Variants in PLXNA4 observed in about 807,000 individuals in gnomAD.
PLXNA4 encodes plexin-A4.
A neutral mutation model predicts 191.8 loss-of-function variants in PLXNA4; 44 were observed. The observed-to-expected ratio is 0.23, with a 90% CI of 0.18 to 0.29. The LOEUF (loss-of-function observed/expected upper bound fraction) is 0.29. PLXNA4 is among the 10% of genes least tolerant of loss of function. The pLI, the probability that PLXNA4 is intolerant of heterozygous loss-of-function variation, is 1.00. For missense variants in PLXNA4, 1,800 were observed against 2,488.8 expected (o/e 0.72, Z 5.89); for synonymous variants, 1,082 against 1,009.5 (o/e 1.07, Z -1.36).
At chr7:132,545,702 G>GA (rs375879133) in intron 1 of PLXNA4, among the ~76,000 whole-genome samples, 104 of 147,750 alleles carry the variant, frequency 7.0e-4, no homozygotes, top group South Asian at 5.1e-3. Flanking sequence ...TGCAGGAAAA[G>GA]AAAAAAAAAA....
At chr7:132,581,965 T>C (rs978264170), upstream of PLXNA4, among the ~76,000 whole-genome samples, 1 of 151,954 alleles carries the variant, frequency 6.6e-6, no homozygotes, top group African/African-American at 2.4e-5. Flanking sequence ...TAAGGGGAGA[T>C]GGAGGGAGGG....
chr7:132,190,732 G>A (rs2116803903), intron 14 of PLXNA4, among the ~76,000 whole-genome samples: 1 of 152,336 alleles, frequency 6.6e-6, no homozygotes, highest in East Asian at 1.9e-4. Flanking sequence ...AGCTTAATGA[G>A]GTGGCGGTGA....
chr7:132,254,276 C>T (rs960375137), intron 4 of PLXNA4, among the ~76,000 whole-genome samples: 1 of 152,188 alleles, frequency 6.6e-6, no homozygotes, highest in Non-Finnish European at 1.5e-5. Flanking sequence ...CTGAAATATA[C>T]TTTGAATTCT....
intron 30 of PLXNA4, among the ~76,000 whole-genome samples, chr7:132,134,443 G>T (rs1318945299): frequency 2.0e-5 from 3 of 152,194 alleles, no homozygotes; most frequent in African/African-American, 7.2e-5. Flanking sequence ...AGTTCAATTT[G>T]CACCAGAGCA....
At chr7:132,385,293 C>A in intron 3 of PLXNA4, 4 of 1,611,094 alleles carry the variant, frequency 2.5e-6, no homozygotes, top group Non-Finnish European at 3.4e-6. Context: ...TGGTACCAGG[C>A]ATCTGGAAAA....
At chr7:132,547,244 A>T (rs1349900777) in intron 1 of PLXNA4, among the ~76,000 whole-genome samples, 1 of 152,226 alleles carries the variant, frequency 6.6e-6, no homozygotes, top group Non-Finnish European at 1.5e-5. Context: ...TAAGGAAGGC[A>T]TCATCACCCC....
chr7:132,525,454 G>T (rs1299309744), intron 1 of PLXNA4, among the ~76,000 whole-genome samples: 1 of 152,078 alleles, frequency 6.6e-6, no homozygotes, highest in African/African-American at 2.4e-5. Context: ...TCAGTATATT[G>T]CCCAGGCTGG....
chr7:132,596,258 C>A (rs1802708293), intron 2 of PLXNA4, among the ~76,000 whole-genome samples: 1 of 152,172 alleles, frequency 6.6e-6, no homozygotes, highest in African/African-American at 2.4e-5. Context: ...GAAATGGCTG[C>A]CATCTTGACC....
At chr7:132,233,445 C>G (rs1195125990) in intron 5 of PLXNA4, among the ~76,000 whole-genome samples, 1 of 152,118 alleles carries the variant, frequency 6.6e-6, no homozygotes, top group Non-Finnish European at 1.5e-5. Flanking sequence ...ATACCATGGT[C>G]TCAAGGAAGT....
At chr7:132,423,269 G>C (rs1288901159) in intron 3 of PLXNA4, among the ~76,000 whole-genome samples, 1 of 152,160 alleles carries the variant, frequency 6.6e-6, no homozygotes, top group African/African-American at 2.4e-5. Flanking sequence ...TTTCTATTTT[G>C]CACAATTCAT....
chr7:132,130,248 GACTA>G lies in PLXNA4; in HGVS notation c.*227_*230del. On this transcript the variant is annotated 3_prime_UTR_variant, in exon 32 of 32. Coordinates refer to ENST00000321063, the MANE Select transcript of PLXNA4 (RefSeq NM_020911.2). The stretch of plus-strand genomic sequence containing the variant: ...CTTGCCATGGGCCTGGCCATTCTTG[GACTA>G]ACTGAGGGTCAGTGGCTTGGTCCAA... 1.8e-6 allele frequency: 1 copy of G among 553,892 alleles called. No homozygotes were observed. The highest frequency in any genetic ancestry group is 3.1e-6 in the Non-Finnish European group (1 of 320,550). 34.3% of individuals were successfully genotyped at this position (553,892 alleles called of 1,614,324 possible).
At chr7:132,607,870 A>T (rs1325663132) in intron 2 of PLXNA4, among the ~76,000 whole-genome samples, 1 of 152,014 alleles carries the variant, frequency 6.6e-6, no homozygotes, top group African/African-American at 2.4e-5. Flanking sequence ...CATCATCCTC[A>T]TCACTATCAC....
intron 1 of PLXNA4, among the ~76,000 whole-genome samples, chr7:132,526,903 G>A (rs981484551): frequency 5.3e-5 from 8 of 152,236 alleles, no homozygotes; most frequent in South Asian, 2.1e-4. Context: ...CCTGCCCCAC[G>A]GTGGCACAAT....
At chr7:132,396,206 T>A (rs1313473415) in intron 3 of PLXNA4, among the ~76,000 whole-genome samples, 3 of 152,178 alleles carry the variant, frequency 2.0e-5, no homozygotes, top group Non-Finnish European at 2.9e-5. Flanking sequence ...GTACAGATAC[T>A]GAAGAGTATG....
intron 3 of PLXNA4, among the ~76,000 whole-genome samples, chr7:132,311,202 G>GTGCGT (rs1554411105): frequency 6.6e-6 from 1 of 151,066 alleles, no homozygotes; most frequent in African/African-American, 2.4e-5. Context: ...GTGCGCGTGT[G>GTGCGT]GCCTAAAGGA....
intron 7 of PLXNA4, among the ~76,000 whole-genome samples, chr7:132,226,650 T>C (rs1798334341): frequency 1.3e-5 from 2 of 152,224 alleles, no homozygotes; most frequent in Admixed American, 6.5e-5. Context: ...TGCATGTATG[T>C]GTGTGTATGC....
At chr7:132,347,911 C>T (rs1188152158) in intron 3 of PLXNA4, among the ~76,000 whole-genome samples, 3 of 152,218 alleles carry the variant, frequency 2.0e-5, no homozygotes, top group East Asian at 1.9e-4. Context: ...ACCAGATTTT[C>T]CCTGCAGAGA....
intron 3 of PLXNA4, among the ~76,000 whole-genome samples, chr7:132,324,742 T>C (rs1244138600): frequency 6.6e-6 from 1 of 151,906 alleles, no homozygotes; most frequent in Non-Finnish European, 1.5e-5. Context: ...TTCCCTAGGG[T>C]GAATGGGAGC....
At chr7:132,376,630 C>T (rs1309116313) in intron 3 of PLXNA4, among the ~76,000 whole-genome samples, 1 of 152,222 alleles carries the variant, frequency 6.6e-6, no homozygotes, top group Admixed American at 6.5e-5. Context: ...CCTGATCAAT[C>T]ACTGTTTGGG....
Sources: gnomAD v4.1 joint callset for allele counts (sites outside exome capture counted in the v4.1 genomes callset) on GRCh38, gnomAD v4.1.1 for gene constraint, MANE v1.5 for transcripts, NCBI Gene and HGNC (gene_info 2026-07-23, HGNC 2026-07-21) for gene names.